The following NEMP2 variants were observed in gnomAD, a reference collection of about 807,000 sequenced individuals.
The protein encoded by NEMP2 is nuclear envelope integral membrane protein 2, also known as UPF0571 transmembrane protein.
Under a neutral mutation model 54.2 loss-of-function variants are expected in NEMP2, and 53 were observed. The ratio of observed to expected loss-of-function variants is 0.98; its 90% CI spans 0.78 to 1.23. NEMP2 has a LOEUF of 1.23. Among genes scored for constraint, NEMP2 ranks in the 50% most tolerant of loss-of-function variants. The probability of loss-of-function intolerance (pLI) is 0.00; values close to 1 mark genes in which losing one functional copy is unlikely to be tolerated. For synonymous variants in NEMP2, 197 were observed against 190.3 expected (o/e 1.04, Z -0.29); for missense variants, 455 against 511.3 (o/e 0.89, Z 1.06).
chr2:190,455,383 T>G, the NEMP2 span, among the ~76,000 whole-genome samples: 1 of 152,306 alleles, frequency 6.6e-6, no homozygotes, highest in South Asian at 2.1e-4. Context: ...CTACTTTTTG[T>G]GTGTATGAAA....
the NEMP2 span, among the ~76,000 whole-genome samples, chr2:190,438,887 A>G: frequency 1.3e-5 from 2 of 152,138 alleles, no homozygotes; most frequent in Admixed American, 1.3e-4. The surrounding 1 kb of genome is among the most constrained non-coding windows in gnomAD (Gnocchi z 5.2). Flanking sequence ...AGCAATTGTG[A>G]GTATTTTTTC....
chr2:190,543,783 T>C, the NEMP2 span, among the ~76,000 whole-genome samples: 1 of 152,250 alleles, frequency 6.6e-6, no homozygotes, highest in Non-Finnish European at 1.5e-5. This position sits in a 1 kb window ranked among gnomAD's most constrained non-coding sequence, Gnocchi z 4.7. Context: ...AATTCTTTAA[T>C]TCCATTAGAC....
the NEMP2 span, among the ~76,000 whole-genome samples, chr2:190,558,160 A>G: frequency 6.6e-6 from 1 of 152,236 alleles, no homozygotes; most frequent in Non-Finnish European, 1.5e-5. The surrounding 1 kb of genome is among the most constrained non-coding windows in gnomAD (Gnocchi z 4.4). Flanking sequence ...GGATGAGTTT[A>G]TGTCCTTTGC....
At chr2:190,473,441 T>C in the NEMP2 span, among the ~76,000 whole-genome samples, 2 of 151,950 alleles carry the variant, frequency 1.3e-5, no homozygotes, top group Admixed American at 6.6e-5. Flanking sequence ...GCAATCCTGG[T>C]CTCTGATAAA....
chr2:190,479,225 A>G, the NEMP2 span, among the ~76,000 whole-genome samples: 1 of 152,198 alleles, frequency 6.6e-6, no homozygotes, highest in South Asian at 2.1e-4. Flanking sequence ...TTTCTTTCCC[A>G]TGATCTTTCT....
chr2:190,465,568 A>G, the NEMP2 span, among the ~76,000 whole-genome samples: 1 of 152,100 alleles, frequency 6.6e-6, no homozygotes, highest in Non-Finnish European at 1.5e-5. The surrounding 1 kb of genome is among the most constrained non-coding windows in gnomAD (Gnocchi z 4.6). Context: ...AAAGAATTTG[A>G]TTGTCTAGAA....
chr2:190,557,005 C>T, the NEMP2 span, among the ~76,000 whole-genome samples: 1 of 152,124 alleles, frequency 6.6e-6, no homozygotes, highest in Admixed American at 6.5e-5. Flanking sequence ...CACAAAAGAG[C>T]CCACATAGTC....
the NEMP2 span, among the ~76,000 whole-genome samples, chr2:190,472,231 C>A: frequency 6.6e-6 from 1 of 152,224 alleles, no homozygotes. Context: ...TGGAACAAAG[C>A]TGGACAGAGA....
rs1233569899 is a variant in NEMP2 at position 190,522,724 on chromosome 2, G to A, written c.213+2539C>T. Among the ~76,000 whole-genome samples the A allele has an allele frequency of 6.6e-6, 1 of 152,190 alleles. No individual in the cohort carries two copies. The highest frequency in any genetic ancestry group is 1.5e-5 in the Non-Finnish European group (1 of 68,028). ...TTCTCTCTAAAGCCTGCTACCTGGA[G>A]GCTTCATCTCCATGATAAAACTTTG... is the stretch of plus-strand genomic sequence containing the variant. On this transcript the variant is annotated intron_variant, in intron 2 of 8. Coordinates refer to ENST00000409150, the MANE Select transcript of NEMP2 (RefSeq NM_001142645.2). The surrounding 1 kb of genome is among the most constrained non-coding windows in gnomAD (Gnocchi z 5.0).
the NEMP2 span, among the ~76,000 whole-genome samples, chr2:190,430,591 T>A: frequency 6.6e-6 from 1 of 152,044 alleles, no homozygotes; most frequent in African/African-American, 2.4e-5. Flanking sequence ...ATGAAAAGTC[T>A]CCCATGTCTG....
intron 4 of NEMP2, among the ~76,000 whole-genome samples, chr2:190,517,889 A>G (rs1288066627): frequency 1.3e-5 from 2 of 152,230 alleles, no homozygotes; most frequent in South Asian, 2.1e-4. Flanking sequence ...TGTAGCAGGC[A>G]CTTTTCTAGG....
the NEMP2 span, among the ~76,000 whole-genome samples, chr2:190,636,796 C>G: frequency 6.6e-6 from 1 of 152,202 alleles, no homozygotes. Context: ...TTATTTGTCA[C>G]ATCTCTTAAA....
chr2:190,517,459 T>A (rs1574299548), intron 5 of NEMP2, 61 bp downstream of exon 5: 1 of 1,205,138 alleles, frequency 8.3e-7, no homozygotes, highest in East Asian at 2.6e-5. Flanking sequence ...TTTTGATTAA[T>A]TTTTCATGTC....
In NEMP2 at chr2:190,527,641, T is replaced by C. The variant is rs1285010437; in HGVS notation, c.98-2263A>G. Among the ~76,000 whole-genome samples the C allele has an allele frequency of 6.6e-6, 1 of 152,060 alleles. No individual in the cohort carries two copies. Among genetic ancestry groups the C allele is most frequent in the Non-Finnish European group, 1.5e-5 (1 of 67,998 alleles). ...AGTAAAAACCACAAGAAGGAACCTC[T>C]AGAGCAAAGGTCCCCAACCCTGGGG... On this transcript the variant is annotated intron_variant, in intron 1 of 8. Transcript: ENST00000409150. This position sits in a 1 kb window ranked among gnomAD's most constrained non-coding sequence, Gnocchi z 4.0.
chr2:190,647,670 A>AT, the NEMP2 span, among the ~76,000 whole-genome samples: 18 of 146,406 alleles, frequency 1.2e-4, no homozygotes, highest in African/African-American at 4.3e-4. Context: ...GACTTCCAAA[A>AT]TTTTTTTGGC....
At chr2:190,572,833 G>GTTTATATATATA in the NEMP2 span, among the ~76,000 whole-genome samples, 1,194 of 47,750 alleles carry the variant, frequency 0.025, 258 homozygotes, top group South Asian at 0.038. Flanking sequence ...CTTTTCATGA[G>GTTTATATATATA]TATATATATA....
the NEMP2 span, among the ~76,000 whole-genome samples, chr2:190,494,206 C>A: frequency 6.6e-6 from 1 of 152,072 alleles, no homozygotes; most frequent in African/African-American, 2.4e-5. The surrounding 1 kb of genome is among the most constrained non-coding windows in gnomAD (Gnocchi z 5.7). Context: ...TACAAAAGAT[C>A]ATTCAAGGCT....
the NEMP2 span, chr2:190,444,720 A>G: frequency 5.5e-5 from 9 of 163,314 alleles, 1 homozygote; most frequent in South Asian, 1.4e-3. Context: ...ACATTTCTAC[A>G]GGGGTTAGAA....
At chr2:190,559,997 T>G in the NEMP2 span, among the ~76,000 whole-genome samples, 1 of 152,200 alleles carries the variant, frequency 6.6e-6, no homozygotes, top group African/African-American at 2.4e-5. This position sits in a 1 kb window ranked among gnomAD's most constrained non-coding sequence, Gnocchi z 4.0. Context: ...TCTCCAAGCC[T>G]GCAGCTGATG....
Sources: gnomAD v4.1 joint callset for allele counts (sites outside exome capture counted in the v4.1 genomes callset) on GRCh38, gnomAD v4.1.1 for gene constraint, Gnocchi (gnomAD v3.1) non-coding constraint, MANE v1.5 for transcripts, NCBI Gene and HGNC (gene_info 2026-07-23, HGNC 2026-07-21) for gene names.